The following SEPTIN9 variants were observed in gnomAD, a reference collection of about 807,000 sequenced individuals.
SEPTIN9 encodes septin-9.
Under a neutral mutation model 56.6 loss-of-function variants are expected in SEPTIN9, and 13 were observed. The observed-to-expected ratio is 0.23, with a 90% CI of 0.15 to 0.37. SEPTIN9 has a LOEUF of 0.37. Among genes scored for constraint, SEPTIN9 ranks in the 10% least tolerant of loss-of-function variants. The probability of loss-of-function intolerance (pLI) is 1.00; values close to 1 mark genes in which losing one functional copy is unlikely to be tolerated. For synonymous variants in SEPTIN9, 332 were observed against 334.1 expected (o/e 0.99, Z 0.07); for missense variants, 650 against 823.1 (o/e 0.79, Z 2.57).
rs1053001851 is a variant in SEPTIN9 at position 77,330,807 on chromosome 17, C to A, written c.76+23610C>A. ...TCTCCATTCTGTGGCGTTGTCTTTC[C>A]TCAGAGTTGCACTGTCTCCTTCACT... is the stretch of plus-strand genomic sequence containing the variant. On this transcript the variant is annotated intron_variant, in intron 2 of 11. Transcript: ENST00000427177. The surrounding 1 kb of genome is among the most constrained non-coding windows in gnomAD (Gnocchi z 4.4). Among the ~76,000 whole-genome samples the A allele has an allele frequency of 6.6e-6, 1 of 152,204 alleles. No homozygotes were observed. Among genetic ancestry groups the A allele is most frequent in the Non-Finnish European group, 1.5e-5 (1 of 68,028 alleles).
At chr17:77,325,234 C>T (rs1258169040) in intron 2 of SEPTIN9, among the ~76,000 whole-genome samples, 1 of 152,242 alleles carries the variant, frequency 6.6e-6, no homozygotes, top group Non-Finnish European at 1.5e-5. Flanking sequence ...CGTCAGGAAG[C>T]TTTTCCCCTG....
intron 4 of SEPTIN9, 53 bp downstream of exon 4, chr17:77,482,388 C>A (rs376593616): frequency 6.3e-7 from 1 of 1,579,638 alleles, no homozygotes; most frequent in South Asian, 1.1e-5. Context: ...CAGCCTCAGC[C>A]CCCAGGGCGG....
rs2034659343 is a variant in SEPTIN9, at chr17:77,369,529, G to T, written c.77-32530G>T. Among the ~76,000 whole-genome samples the T allele has an allele frequency of 6.6e-6, 1 of 152,342 alleles. No individual in the cohort carries two copies. Among genetic ancestry groups the T allele is most frequent in the Non-Finnish European group, 1.5e-5 (1 of 68,034 alleles). On this transcript the variant is annotated intron_variant, in intron 2 of 11. Coordinates refer to ENST00000427177, the MANE Select transcript of SEPTIN9 (RefSeq NM_001113491.2). The surrounding 1 kb of genome is among the most constrained non-coding windows in gnomAD (Gnocchi z 4.9). ...GGTGGATGGTAGCACCGTTTCCTAAGATGAGGGGCTGTGGGAACTTGAGGG... is the reference window on the plus strand; with the variant it reads ...GGTGGATGGTAGCACCGTTTCCTAATATGAGGGGCTGTGGGAACTTGAGGG...
At chr17:77,498,377 C>A in intron 11 of SEPTIN9, 146 bp from the exon 12 acceptor site, 1 of 639,224 alleles carries the variant, frequency 1.6e-6, no homozygotes. Flanking sequence ...CCTGGGGGAC[C>A]CCATGGGGAG....
chr17:77,412,086 T>C (rs8074788), intron 3 of SEPTIN9, among the ~76,000 whole-genome samples: 4,321 of 141,852 alleles, frequency 0.03, 220 homozygotes, highest in African/African-American at 0.11. Context: ...GCCAAGATCG[T>C]GCCATTGCAC....
rs1651949758 is a variant in SEPTIN9, at chr17:77,421,881, C to T, written c.721+19178C>T. ...AGGGATTTTTTTTGAGACGGTCTCTCTCTGTCGCCCAGGCTGGAGTTCAAT... is the reference window on the plus strand; with the variant it reads ...AGGGATTTTTTTTGAGACGGTCTCTTTCTGTCGCCCAGGCTGGAGTTCAAT... On this transcript the variant is annotated intron_variant, in intron 3 of 11. Transcript: ENST00000427177. The surrounding 1 kb of genome is among the most constrained non-coding windows in gnomAD (Gnocchi z 4.6). 6.6e-6 allele frequency among the ~76,000 whole-genome samples: 1 copy of T among 151,318 alleles called. No individual in the cohort carries two copies. The highest frequency in any genetic ancestry group is 1.5e-5 in the Non-Finnish European group (1 of 67,732).
At chr17:77,416,252 T>C (rs11650011) in intron 3 of SEPTIN9, among the ~76,000 whole-genome samples, 56,898 of 151,932 alleles carry the variant, frequency 0.37, 11,211 homozygotes, top group African/African-American at 0.43. Context: ...GAATTTGGCT[T>C]TGGACCTGCA....
At chr17:77,482,096 T>C (rs1216746265) in intron 3 of SEPTIN9, 48 bp from the exon 4 acceptor site, 5 of 1,497,578 alleles carry the variant, frequency 3.3e-6, no homozygotes, top group Non-Finnish European at 4.5e-6. Context: ...CAGGCGCCTG[T>C]GTGTGAGCCC....
chr17:77,462,988 G>A (rs761064994), intron 3 of SEPTIN9, among the ~76,000 whole-genome samples: 2 of 152,162 alleles, frequency 1.3e-5, no homozygotes, highest in Non-Finnish European at 2.9e-5. Context: ...GTGGAAAGTC[G>A]TGGGAAACTG....
At chr17:77,362,559 C>A (rs559514879) in intron 2 of SEPTIN9, among the ~76,000 whole-genome samples, 2 of 152,280 alleles carry the variant, frequency 1.3e-5, no homozygotes, top group African/African-American at 4.8e-5. Flanking sequence ...TCCATGAAGC[C>A]CACCTCCTAA....
In SEPTIN9 at chr17:77,288,393, C is replaced by T. The variant is rs763309700; in HGVS notation, c.19+6839C>T. ...GGGCACCTGTCCTGGCCAGGCGAGG[C>T]GTGTTGGGGCAGCGGCTGAGATGGG... On this transcript the variant is annotated intron_variant, in intron 1 of 11. Transcript: ENST00000427177. Among the ~76,000 whole-genome samples the T allele has an allele frequency of 2.6e-5, 4 of 152,218 alleles. No homozygotes were observed. In the South Asian group the frequency reaches 6.2e-4, roughly 24 times the overall value.
In SEPTIN9 at chr17:77,307,196, A is replaced by C; in HGVS notation, c.75A>C (p.Pro25=). 2.5e-6 allele frequency: 4 copies of C among 1,613,540 alleles called. No homozygotes were observed. The highest frequency in any genetic ancestry group is 3.4e-6 in the Non-Finnish European group (4 of 1,179,684). ...RLRRLGDSSG[P]ALKRSFEVEE... ...GGAGGCTTGGTGACTCCAGTGGCCC[A>C]GGTAGGTGGCTCGCTCCGCTCTGGC... Residue 25 remains proline, a splice_region_variant and synonymous_variant, in exon 2 of 12, where the codon CCA becomes CCC. Transcript: ENST00000427177.
Position 77,327,124 on chromosome 17 carries a change from A to C in SEPTIN9, c.76+19927A>C, listed in dbSNP as rs2033168123. Reference sequence around the variant, plus strand: ...GCTGCTGTAGCAAGTTAATCCTACCAGCACTGGCTCTCATCTGCCGACCTT... The same window carrying C: ...GCTGCTGTAGCAAGTTAATCCTACCCGCACTGGCTCTCATCTGCCGACCTT... On this transcript the variant is annotated intron_variant, in intron 2 of 11. Coordinates refer to ENST00000427177, the MANE Select transcript of SEPTIN9 (RefSeq NM_001113491.2). This position sits in a 1 kb window ranked among gnomAD's most constrained non-coding sequence, Gnocchi z 5.0. 6.6e-6 allele frequency among the ~76,000 whole-genome samples: 1 copy of C among 151,422 alleles called. No homozygotes were observed. Among genetic ancestry groups the C allele is most frequent in the Non-Finnish European group, 1.5e-5 (1 of 67,920 alleles).
At position 77,281,601 on chromosome 17, in the gene SEPTIN9, G is replaced by C. The variant is rs1421912177; in HGVS notation, c.19+47G>C. 9 of 1,516,758 alleles carry C rather than the reference G, an allele frequency of 5.9e-6. 1 individual carries two copies. In the South Asian group the frequency reaches 1.1e-4, roughly 19 times the overall value. The allele number at this position is 1,516,758 out of a possible 1,614,324, so 94.0% of individuals were successfully genotyped here. ...GGGAGGGGTCGGTGTCCCGGGACCA[G>C]CGCTGCTCACCTGAGTGCCTGCGGC... On this transcript the variant is annotated intron_variant, in intron 1 of 11. Transcript: ENST00000427177.
chr17:77,409,638 G>A (rs2036219397), intron 3 of SEPTIN9, among the ~76,000 whole-genome samples: 1 of 152,216 alleles, frequency 6.6e-6, no homozygotes, highest in South Asian at 2.1e-4. Flanking sequence ...CACTGGGTGA[G>A]GCCGCCTCTC....
At chr17:77,349,788 T>C (rs1223896181) in intron 2 of SEPTIN9, among the ~76,000 whole-genome samples, 1 of 152,200 alleles carries the variant, frequency 6.6e-6, no homozygotes, top group Non-Finnish European at 1.5e-5. Context: ...TGTCCAGAGC[T>C]ATAATGTTTT....
chr17:77,303,257 C>A (rs1486146040), intron 1 of SEPTIN9, among the ~76,000 whole-genome samples: 1 of 151,504 alleles, frequency 6.6e-6, no homozygotes, highest in Non-Finnish European at 1.5e-5. Context: ...AATGCCACCA[C>A]GCCCGGCTAA....
intron 3 of SEPTIN9, among the ~76,000 whole-genome samples, chr17:77,415,426 G>A (rs541682614): frequency 3.3e-5 from 5 of 152,304 alleles, no homozygotes; most frequent in Non-Finnish European, 7.4e-5. Flanking sequence ...GGCCAACATG[G>A]CAAAACCCCG....
chr17:77,320,218 G>A, intron 2 of SEPTIN9: 1 of 1,608,836 alleles, frequency 6.2e-7, no homozygotes, highest in Admixed American at 1.7e-5. Flanking sequence ...TAGAGGAGGA[G>A]GAGGAGGAGG....
Sources: allele counts gnomAD v4.1 joint callset (sites outside exome capture counted in the v4.1 genomes callset), GRCh38; gene constraint gnomAD v4.1.1; non-coding constraint Gnocchi (gnomAD v3.1); transcripts MANE v1.5; gene names NCBI Gene and HGNC (gene_info 2026-07-23, HGNC 2026-07-21).